Variants in MYO7B observed in about 807,000 individuals in gnomAD.
The protein encoded by MYO7B is unconventional myosin-VIIb.
A neutral mutation model predicts 259.7 loss-of-function variants in MYO7B; 212 were observed. The observed-to-expected ratio is 0.82, with a 90% CI of 0.73 to 0.91. MYO7B has a LOEUF of 0.91. Among genes scored for constraint, MYO7B ranks in the 40% least tolerant of loss-of-function variants. The pLI is 0.00. For synonymous variants in MYO7B, 1,197 were observed against 1,166.4 expected (o/e 1.03, Z -0.54); for missense variants, 2,732 against 2,813.5 (o/e 0.97, Z 0.66).
intron 5 of MYO7B, among the ~76,000 whole-genome samples, chr2:127,568,719 A>G (rs986286528): frequency 6.6e-5 from 10 of 151,938 alleles, no homozygotes; most frequent in African/African-American, 2.4e-4. Flanking sequence ...CAACATGGTG[A>G]AACCCCGTCT....
intron 6 of MYO7B, among the ~76,000 whole-genome samples, chr2:127,570,657 G>A (rs1164559813): frequency 6.6e-6 from 1 of 152,034 alleles, no homozygotes; most frequent in African/African-American, 2.4e-5. Flanking sequence ...TGTGAGTTTT[G>A]ACAAACTCAT....
intron 19 of MYO7B, among the ~76,000 whole-genome samples, chr2:127,604,844 G>A (rs923092954): frequency 3.3e-5 from 5 of 152,186 alleles, no homozygotes; most frequent in Non-Finnish European, 7.3e-5. Flanking sequence ...GGTGCAGTTT[G>A]TGGTGCCCCA....
chr2:127,551,893 A>G (rs1315783508), intron 1 of MYO7B, among the ~76,000 whole-genome samples: 1 of 152,188 alleles, frequency 6.6e-6, no homozygotes, highest in African/African-American at 2.4e-5. Flanking sequence ...GGCCTAAAGA[A>G]GGATCTCTGG....
At chr2:127,631,004 T>G in intron 36 of MYO7B, 96 bp downstream of exon 36, 1 of 1,404,942 alleles carries the variant, frequency 7.1e-7, no homozygotes, top group Admixed American at 2.2e-5. Flanking sequence ...TCCACCTCAT[T>G]GCACCCACTG....
chr2:127,620,769 A>C (rs1024688142), intron 27 of MYO7B, among the ~76,000 whole-genome samples: 1 of 152,210 alleles, frequency 6.6e-6, no homozygotes, highest in African/African-American at 2.4e-5. Flanking sequence ...CGGGCCTTGA[A>C]AAGACAGGTG....
intron 20 of MYO7B, among the ~76,000 whole-genome samples, chr2:127,606,524 G>A (rs531603694): frequency 6.6e-6 from 1 of 152,192 alleles, no homozygotes. Context: ...CTGTTGCTTC[G>A]CATACATCAT....
chr2:127,540,721 C>T (rs1030602102), intron 1 of MYO7B, among the ~76,000 whole-genome samples: 2 of 152,076 alleles, frequency 1.3e-5, no homozygotes, highest in Non-Finnish European at 2.9e-5. Context: ...AAGGACCATC[C>T]CACAAATGAA....
chr2:127,553,823 C>T (rs1693540576), intron 1 of MYO7B, among the ~76,000 whole-genome samples: 1 of 152,080 alleles, frequency 6.6e-6, no homozygotes, highest in African/African-American at 2.4e-5. Flanking sequence ...AGTGGGAATC[C>T]TTGTCTTGTT....
intron 1 of MYO7B, among the ~76,000 whole-genome samples, chr2:127,545,753 A>T (rs1409484952): frequency 2.0e-5 from 3 of 152,222 alleles, no homozygotes; most frequent in Non-Finnish European, 4.4e-5. Context: ...GTGCAATGGA[A>T]GGGGCATTGT....
At chr2:127,631,792 A>G in intron 38 of MYO7B, 39 bp downstream of exon 38, 1 of 1,600,318 alleles carries the variant, frequency 6.2e-7, no homozygotes, top group Non-Finnish European at 8.5e-7. Flanking sequence ...GGGCACCCTC[A>G]GTCCTCATCC....
In MYO7B at chr2:127,564,206, CG is replaced by C. The variant is rs1678231210; in HGVS notation, c.77del (p.Gly26AlafsTer45). On this transcript the variant is annotated frameshift_variant, in exon 3 of 48. Coordinates refer to ENST00000409816, the MANE Select transcript of MYO7B (RefSeq NM_001393586.1). LOFTEE classifies it high-confidence loss of function. ...CCACCCACAAGACCGGCGTGGCCAT[CG>C]GGGGCATCATCAAAGAGGCAAAGCC... ...PSTHKTGVAI[G>X]GIIKEAKPGK... 6.3e-7 allele frequency: 1 copy of C among 1,579,596 alleles called. No individual in the cohort carries two copies. Among genetic ancestry groups the C allele is most frequent in the East Asian group, 2.3e-5 (1 of 42,882 alleles).
intron 16 of MYO7B, among the ~76,000 whole-genome samples, chr2:127,591,299 G>A (rs762878964): frequency 4.6e-5 from 7 of 152,244 alleles, no homozygotes; most frequent in Non-Finnish European, 7.3e-5. Context: ...GGGAGAAGTA[G>A]CTGGGCTCCC....
intron 27 of MYO7B, 116 bp downstream of exon 27, chr2:127,620,582 C>T (rs1680796815): frequency 8.1e-7 from 1 of 1,238,430 alleles, no homozygotes; most frequent in Non-Finnish European, 1.1e-6. Flanking sequence ...TTCTCCTGCT[C>T]CTGCAGGCCA....
At chr2:127,578,650 C>T (rs1033567007) in intron 9 of MYO7B, among the ~76,000 whole-genome samples, 1 of 152,080 alleles carries the variant, frequency 6.6e-6, no homozygotes, top group Non-Finnish European at 1.5e-5. Flanking sequence ...CTGTGAACAC[C>T]CCCAAGCACC....
chr2:127,614,007 C>T lies in MYO7B; in HGVS notation c.3398+1404C>T, dbSNP rs1680482770. On this transcript the variant is annotated intron_variant, in intron 26 of 47. Transcript: ENST00000409816. This position sits in a 1 kb window ranked among gnomAD's most constrained non-coding sequence, Gnocchi z 4.6. Reference sequence around the variant, plus strand: ...CCTCTGGTTCTTCAAGCCAGTAAGACTACAGGGCTTCTCAAGTTTTAGCTG... The same window carrying T: ...CCTCTGGTTCTTCAAGCCAGTAAGATTACAGGGCTTCTCAAGTTTTAGCTG... Among the ~76,000 whole-genome samples the T allele has an allele frequency of 6.6e-6, 1 of 152,202 alleles. No individual in the cohort carries two copies. The highest frequency in any genetic ancestry group is 6.5e-5 in the Admixed American group (1 of 15,276).
intron 15 of MYO7B, among the ~76,000 whole-genome samples, chr2:127,589,439 TG>T (rs1679456287): frequency 6.7e-6 from 1 of 148,378 alleles, no homozygotes; most frequent in Non-Finnish European, 1.5e-5. Context: ...AATGGGAATC[TG>T]GGGGGTCCAG....
chr2:127,581,940 T>C lies in MYO7B; in HGVS notation c.1130T>C (p.Ile377Thr). 6.2e-7 allele frequency: 1 copy of C among 1,613,864 alleles called. No homozygotes were observed. The highest frequency in any genetic ancestry group is 8.5e-7 in the Non-Finnish European group (1 of 1,179,856). Reference protein sequence around the residue: ...RDCLIKHTILIRGEFVTRSLN... With the variant: ...RDCLIKHTILTRGEFVTRSLN... ...TGTCTGATCAAGCACACCATCCTCA[T>C]CCGAGGGGAATTTGTCACCAGGTCC... is the stretch of plus-strand genomic sequence containing the variant. Residue 377 changes from isoleucine (I) to threonine (T), a missense_variant, in exon 11 of 48, where the codon ATC becomes ACC. This residue lies in a region of MYO7B where 1,906 missense variants were observed against 2,026.4 expected (regional missense o/e 0.94). Transcript: ENST00000409816.
chr2:127,611,621 G>C lies in MYO7B; in HGVS notation c.3193-629G>C, dbSNP rs539390886. Among the ~76,000 whole-genome samples the C allele has an allele frequency of 3.3e-5, 5 of 152,152 alleles. No homozygotes were observed. The highest frequency in any genetic ancestry group is 4.8e-5 in the African/African-American group (2 of 41,434). On this transcript the variant is annotated intron_variant, in intron 24 of 47. Coordinates refer to ENST00000409816, the MANE Select transcript of MYO7B (RefSeq NM_001393586.1). The surrounding 1 kb of genome is among the most constrained non-coding windows in gnomAD (Gnocchi z 5.4). Reference sequence around the variant, plus strand: ...TTGACGCACCCAGGAGCTGGTGCCTGGCCCTGGACCAGGCTGACCCCCACC... The same window carrying C: ...TTGACGCACCCAGGAGCTGGTGCCTCGCCCTGGACCAGGCTGACCCCCACC...
chr2:127,600,203 A>T (rs1242424602), intron 19 of MYO7B, among the ~76,000 whole-genome samples: 1 of 152,204 alleles, frequency 6.6e-6, no homozygotes, highest in Non-Finnish European at 1.5e-5. Flanking sequence ...AAATTATTTT[A>T]TATTGAGCGA....
Sources: gnomAD v4.1 joint callset for allele counts (sites outside exome capture counted in the v4.1 genomes callset) on GRCh38, gnomAD v4.1.1 for gene constraint, gnomAD v4.1.1 regional missense constraint, Gnocchi (gnomAD v3.1) non-coding constraint, MANE v1.5 for transcripts, NCBI Gene and HGNC (gene_info 2026-07-23, HGNC 2026-07-21) for gene names.